Variants in SLC44A1 observed in about 807,000 individuals in gnomAD.
The protein encoded by SLC44A1 is solute carrier family 44 member 1.
In SLC44A1, 26 loss-of-function variants were observed where a neutral mutation model predicts 79.3. The observed-to-expected ratio is 0.33, with a 90% CI of 0.24 to 0.46. The LOEUF (loss-of-function observed/expected upper bound fraction) is 0.46. Among genes scored for constraint, SLC44A1 ranks in the 20% least tolerant of loss-of-function variants. The probability of loss-of-function intolerance (pLI) is 1.00; values close to 1 mark genes in which losing one functional copy is unlikely to be tolerated. For synonymous variants in SLC44A1, 263 were observed against 286.2 expected, an observed-to-expected ratio of 0.92 and a Z score of 0.82; for missense variants, 688 against 798.1, an observed-to-expected ratio of 0.86 and a Z score of 1.66.
chr9:105,244,965 GC>G, intron 1 of SLC44A1, 61 bp downstream of exon 1: 1 of 858,532 alleles, frequency 1.2e-6, no homozygotes, highest in Non-Finnish European at 1.5e-6. Flanking sequence ...GCGTCGCGCG[GC>G]GGGCGCCCGC....
rs1305291911 is a variant in SLC44A1, at chr9:105,392,610, C to G, written c.*3554C>G. ...TTTAGAGCAGAGTTAATACCTCTCC[C>G]TCCCTCTTCAAAACAGCTACAGGAA... is the stretch of plus-strand genomic sequence containing the variant. On this transcript the variant is annotated 3_prime_UTR_variant, in exon 16 of 16. Transcript: ENST00000374720. 2 of 985,196 alleles carry G rather than the reference C, an allele frequency of 2.0e-6. No homozygotes were observed. The highest frequency in any genetic ancestry group is 1.1e-4 in the East Asian group (1 of 8,828). 61.0% of individuals were successfully genotyped at this position (985,196 alleles called of 1,614,324 possible).
At chr9:105,413,173 A>G (rs1829119892) in intron 15 of SLC44A1, among the ~76,000 whole-genome samples, 1 of 152,190 alleles carries the variant, frequency 6.6e-6, no homozygotes, top group Non-Finnish European at 1.5e-5. Flanking sequence ...TTAATCACCT[A>G]TTACTATCAG....
chr9:105,260,006 C>T (rs1014185015), intron 1 of SLC44A1, among the ~76,000 whole-genome samples: 5 of 152,118 alleles, frequency 3.3e-5, no homozygotes, highest in Admixed American at 3.3e-4. Flanking sequence ...AAATCAGGCT[C>T]TAAGATATGA....
At chr9:105,328,118 A>T (rs144628359) in intron 3 of SLC44A1, among the ~76,000 whole-genome samples, 2,293 of 152,314 alleles carry the variant, frequency 0.015, 56 homozygotes, top group African/African-American at 0.053. Context: ...TTAATTTGGG[A>T]AATATGCAGC....
chr9:105,276,448 C>G (rs1045262812), intron 1 of SLC44A1, among the ~76,000 whole-genome samples: 1 of 151,958 alleles, frequency 6.6e-6, no homozygotes, highest in Non-Finnish European at 1.5e-5. Flanking sequence ...CAAAGAACAC[C>G]AAGCTTACTT....
intron 1 of SLC44A1, among the ~76,000 whole-genome samples, chr9:105,261,843 G>A (rs1485896373): frequency 6.9e-6 from 1 of 143,902 alleles, no homozygotes; most frequent in Admixed American, 7.3e-5. Flanking sequence ...GCAATGGCAC[G>A]ATCTCGGCTC....
chr9:105,433,284 G>A (rs933009921), intron 15 of SLC44A1, among the ~76,000 whole-genome samples: 5 of 151,812 alleles, frequency 3.3e-5, no homozygotes, highest in Admixed American at 6.6e-5. Flanking sequence ...CGATGGGAGC[G>A]AGACTCCATC....
chr9:105,263,935 T>C (rs1829900666), intron 1 of SLC44A1, among the ~76,000 whole-genome samples: 1 of 152,138 alleles, frequency 6.6e-6, no homozygotes, highest in Admixed American at 6.6e-5. Flanking sequence ...ACCACCACTT[T>C]TAAATCTTTA....
chr9:105,287,347 T>A (rs1830501890), intron 1 of SLC44A1, among the ~76,000 whole-genome samples: 1 of 152,240 alleles, frequency 6.6e-6, no homozygotes. Flanking sequence ...TGTATTGTCA[T>A]TTGAAAGTTA....
chr9:105,428,247 A>G (rs1829347897), intron 15 of SLC44A1, among the ~76,000 whole-genome samples: 1 of 152,064 alleles, frequency 6.6e-6, no homozygotes, highest in Non-Finnish European at 1.5e-5. Flanking sequence ...TTAAAAAATT[A>G]TTTTCTTTTA....
Position 105,389,201 on chromosome 9 carries a change from G to A in SLC44A1, c.*145G>A. 1 of 1,342,092 alleles carries A rather than the reference G, an allele frequency of 7.5e-7. No homozygotes were observed. The allele number at this position is 1,342,092 out of a possible 1,614,324, so 83.1% of individuals were successfully genotyped here. ...TATATACACACACACACATAAATCA[G>A]CCAAAATCAGAGAAAAGGAACAGGG... On this transcript the variant is annotated 3_prime_UTR_variant, in exon 16 of 16. Transcript: ENST00000374720.
chr9:105,358,202 G>C, intron 6 of SLC44A1, 142 bp from the exon 7 acceptor site: 1 of 573,340 alleles, frequency 1.7e-6, no homozygotes, highest in Non-Finnish European at 3.1e-6. Context: ...TACAACAGCA[G>C]CTAGTTTCCT....
chr9:105,430,024 A>C (rs2131524943), intron 15 of SLC44A1, among the ~76,000 whole-genome samples: 1 of 152,172 alleles, frequency 6.6e-6, no homozygotes, highest in African/African-American at 2.4e-5. Flanking sequence ...CTCCTGCCTC[A>C]GCCCCCTGAG....
At chr9:105,324,736 C>CT (rs1201777711) in intron 3 of SLC44A1, among the ~76,000 whole-genome samples, 2 of 152,130 alleles carry the variant, frequency 1.3e-5, no homozygotes, top group Non-Finnish European at 2.9e-5. Flanking sequence ...ATGTGAATGT[C>CT]TAACAGGCAC....
intron 1 of SLC44A1, among the ~76,000 whole-genome samples, 168 bp downstream of exon 1, chr9:105,245,072 G>A (rs1829398761): frequency 6.6e-6 from 1 of 151,890 alleles, no homozygotes; most frequent in African/African-American, 2.4e-5. Flanking sequence ...TCCCGCCGAT[G>A]CCCGTGCGCT....
chr9:105,392,400 TCTC>T lies in SLC44A1; in HGVS notation c.*3345_*3347del, dbSNP rs368499213. ...TTTGTAGAGATGCTCTCTCTCTCTC[TCTC>T]TTTTTTTTTTTTTTTTTTTTTTTTT... is the stretch of plus-strand genomic sequence containing the variant. On this transcript the variant is annotated 3_prime_UTR_variant, in exon 16 of 16. Transcript: ENST00000374720. The T allele has an allele frequency of 4.5e-3, 1,185 of 265,202 alleles. 17 individuals carry two copies. The highest frequency in any genetic ancestry group is 5.0e-3 in the Non-Finnish European group (1,047 of 209,630). 16.4% of individuals were successfully genotyped at this position (265,202 alleles called of 1,614,324 possible).
chr9:105,365,619 C>A lies in SLC44A1; in HGVS notation c.1390C>A (p.His464Asn). 1.9e-6 allele frequency: 3 copies of A among 1,613,688 alleles called. No individual in the cohort carries two copies. The highest frequency in any genetic ancestry group is 8.5e-7 in the Non-Finnish European group (1 of 1,179,718). The stretch of plus-strand genomic sequence containing the variant: ...TCCGCGAATGATCCTTATGTATATT[C>A]ACAGTCAGCTCAAAGGAAAGGTAAG... ...KIPRMILMYIHSQLKGKENAC... is the reference protein window; with the variant it reads ...KIPRMILMYINSQLKGKENAC... Residue 464 changes from histidine (H) to asparagine (N), a missense_variant, in exon 11 of 16, where the codon CAC (histidine) becomes AAC (asparagine). Transcript: ENST00000374720.
intron 3 of SLC44A1, among the ~76,000 whole-genome samples, chr9:105,326,650 C>T (rs751313553): frequency 6.6e-6 from 1 of 152,174 alleles, no homozygotes. Flanking sequence ...AGTATAAAAT[C>T]TGTCTTCAGA....
chr9:105,366,938 CTTT>C (rs35710961), intron 12 of SLC44A1, among the ~76,000 whole-genome samples: 4 of 145,522 alleles, frequency 2.7e-5, no homozygotes, highest in African/African-American at 2.5e-5. Flanking sequence ...TATGCTGATA[CTTT>C]TTTTTTTTTT....
Sources: allele counts gnomAD v4.1 joint callset (sites outside exome capture counted in the v4.1 genomes callset), GRCh38; gene constraint gnomAD v4.1.1; transcripts MANE v1.5; gene names NCBI Gene and HGNC (gene_info 2026-07-23, HGNC 2026-07-21).